Variants in CSGALNACT1 observed in about 807,000 individuals in gnomAD.
The protein encoded by CSGALNACT1 is chondroitin sulfate N-acetylgalactosaminyltransferase 1, also known as beta4GalNAcT-1.
CSGALNACT1 carries 52 observed loss-of-function variants against 51.0 expected under a neutral mutation model. That is an observed-to-expected ratio of 1.02 (90% CI 0.82 to 1.29). The LOEUF is 1.29. Ranked by LOEUF, CSGALNACT1 falls within the 50% of genes most tolerant of loss-of-function variation. CSGALNACT1 has a pLI of 0.00. For missense variants in CSGALNACT1, 935 were observed against 679.2 expected (o/e 1.38, Z -4.19); for synonymous variants, 341 against 254.4 (o/e 1.34, Z -3.24).
At chr8:19,452,674 G>T (rs963826100) in intron 5 of CSGALNACT1, among the ~76,000 whole-genome samples, 1 of 152,112 alleles carries the variant, frequency 6.6e-6, no homozygotes, top group African/African-American at 2.4e-5. Context: ...CTGGAGACGT[G>T]AGTAAGTGGG....
At chr8:19,707,350 G>A (rs1009887228) in intron 1 of CSGALNACT1, among the ~76,000 whole-genome samples, 3 of 152,134 alleles carry the variant, frequency 2.0e-5, no homozygotes, top group African/African-American at 7.2e-5. Flanking sequence ...TAAAACCACA[G>A]TAGCCAACCT....
At chr8:19,739,540 C>A (rs1003555192) in intron 1 of CSGALNACT1, among the ~76,000 whole-genome samples, 1 of 152,194 alleles carries the variant, frequency 6.6e-6, no homozygotes, top group Non-Finnish European at 1.5e-5. Context: ...GTTTATATTT[C>A]CTGGCTTCTC....
At chr8:19,561,396 A>G (rs2040682619) in intron 3 of CSGALNACT1, among the ~76,000 whole-genome samples, 1 of 152,240 alleles carries the variant, frequency 6.6e-6, no homozygotes, top group South Asian at 2.1e-4. Context: ...CATGACCAAC[A>G]AGCACAGGAA....
rs796182880 is a variant in CSGALNACT1, at chr8:19,722,643, A to G, written c.-297+35207T>C. On this transcript the variant is annotated intron_variant, in intron 1 of 1. Coordinates refer to the CSGALNACT1 transcript ENST00000517494. ...AATTCAATCCAGCTGGCCACTCTGC[A>G]GGGGACCTCACAGCCCTGGCGCATT... 9.8e-5 allele frequency among the ~76,000 whole-genome samples: 15 copies of G among 152,318 alleles called. 2 individuals are homozygous for G. Among genetic ancestry groups the G allele is most frequent in the African/African-American group, 3.6e-4 (15 of 41,574 alleles).
At chr8:19,688,700 C>T (rs1000646330) in intron 1 of CSGALNACT1, 2 of 152,202 alleles carry the variant, frequency 1.3e-5, no homozygotes, top group African/African-American at 4.8e-5. Context: ...CCCACTGTAT[C>T]CTTCTCCCTC....
At chr8:19,496,240 G>A (rs1385030031) in intron 4 of CSGALNACT1, among the ~76,000 whole-genome samples, 1 of 152,146 alleles carries the variant, frequency 6.6e-6, no homozygotes, top group Non-Finnish European at 1.5e-5. Context: ...TTTTTAAAAA[G>A]AACGCCGTTT....
At chr8:19,417,635 C>T (rs1053461270) in intron 8 of CSGALNACT1, among the ~76,000 whole-genome samples, 1 of 152,206 alleles carries the variant, frequency 6.6e-6, no homozygotes, top group Admixed American at 6.5e-5. Flanking sequence ...AAGGGGTCCT[C>T]AGTGGGAAGA....
intron 3 of CSGALNACT1, among the ~76,000 whole-genome samples, chr8:19,548,213 A>T (rs2086959296): frequency 6.6e-6 from 1 of 152,220 alleles, no homozygotes; most frequent in African/African-American, 2.4e-5. Context: ...CAAGGATAGC[A>T]AATCTGAATT....
chr8:19,454,163 C>G (rs1162423191), intron 5 of CSGALNACT1, among the ~76,000 whole-genome samples: 1 of 152,174 alleles, frequency 6.6e-6, no homozygotes, highest in Non-Finnish European at 1.5e-5. Flanking sequence ...AGCTGACTGT[C>G]CACGATGACA....
At chr8:19,472,555 A>G (rs944207261) in intron 4 of CSGALNACT1, among the ~76,000 whole-genome samples, 2 of 152,232 alleles carry the variant, frequency 1.3e-5, no homozygotes, top group African/African-American at 2.4e-5. Context: ...AAAGTAACCA[A>G]TTCAAGGTTG....
intron 1 of CSGALNACT1, among the ~76,000 whole-genome samples, chr8:19,719,856 C>T (rs939041310): frequency 1.3e-5 from 2 of 151,664 alleles, no homozygotes; most frequent in Non-Finnish European, 2.9e-5. Flanking sequence ...ACCTCCCTCG[C>T]CTAGATCCCC....
At chr8:19,532,518 C>G (rs552415076) in intron 3 of CSGALNACT1, among the ~76,000 whole-genome samples, 3 of 152,208 alleles carry the variant, frequency 2.0e-5, no homozygotes, top group Admixed American at 6.5e-5. Flanking sequence ...CTTCCCACTC[C>G]AAATCCTCAC....
rs145784330 is a variant in CSGALNACT1 at position 19,660,169 on chromosome 8, C to T, written c.-544+22304G>A. ...ATTCTTGTCCACAATTCCATACCCA[C>T]ATCGATACAGGGCATTCTATATTAT... On this transcript the variant is annotated intron_variant, in intron 1 of 9. Transcript: ENST00000332246. Among the ~76,000 whole-genome samples the T allele has an allele frequency of 2.4e-4, 37 of 152,322 alleles. No homozygotes were observed. In the East Asian group the frequency reaches 6.8e-3, roughly 28 times the overall value.
chr8:19,575,546 T>A (rs979100430), intron 3 of CSGALNACT1, among the ~76,000 whole-genome samples: 3 of 152,168 alleles, frequency 2.0e-5, no homozygotes, highest in African/African-American at 4.8e-5. Flanking sequence ...TGCTCCTCCA[T>A]CAAACAAACA....
chr8:19,493,680 T>A (rs1234011617), intron 4 of CSGALNACT1, among the ~76,000 whole-genome samples: 1 of 152,236 alleles, frequency 6.6e-6, no homozygotes, highest in Non-Finnish European at 1.5e-5. Flanking sequence ...AATTCATTTC[T>A]TTCTATGGCC....
chr8:19,410,767 C>T (rs1477804541), intron 8 of CSGALNACT1, among the ~76,000 whole-genome samples: 1 of 152,144 alleles, frequency 6.6e-6, no homozygotes, highest in Non-Finnish European at 1.5e-5. Flanking sequence ...TGGCAAGCCA[C>T]AAAAAGCCAC....
intron 3 of CSGALNACT1, among the ~76,000 whole-genome samples, chr8:19,525,869 C>G (rs573797027): frequency 6.6e-6 from 1 of 152,212 alleles, no homozygotes; most frequent in Admixed American, 6.5e-5. Flanking sequence ...TTGCTGCTCC[C>G]TGAGGGATTA....
chr8:19,492,218 A>G (rs904492754), intron 4 of CSGALNACT1, among the ~76,000 whole-genome samples: 4 of 152,186 alleles, frequency 2.6e-5, no homozygotes, highest in African/African-American at 9.7e-5. Flanking sequence ...TCTAAGGTCA[A>G]CAGCACACAG....
At chr8:19,644,244 T>C (rs958693887) in intron 1 of CSGALNACT1, among the ~76,000 whole-genome samples, 1 of 152,126 alleles carries the variant, frequency 6.6e-6, no homozygotes, top group African/African-American at 2.4e-5. Flanking sequence ...ATCATCATTG[T>C]AACGTTACTA....
Sources: gnomAD v4.1 joint callset for allele counts (sites outside exome capture counted in the v4.1 genomes callset) on GRCh38, gnomAD v4.1.1 for gene constraint, MANE v1.5 for transcripts, NCBI Gene and HGNC (gene_info 2026-07-23, HGNC 2026-07-21) for gene names.